DYM: variants seen among roughly 807,000 people sequenced by gnomAD.
The protein encoded by DYM is dymeclin.
A neutral mutation model predicts 93.1 loss-of-function variants in DYM; 78 were observed. The ratio of observed to expected loss-of-function variants is 0.84; its 90% confidence interval spans 0.70 to 1.01. DYM has a LOEUF of 1.01. Ranked by LOEUF, DYM falls within the 50% of genes least tolerant of loss-of-function variation. The pLI is 0.00. For missense variants in DYM, 789 were observed against 845.0 expected, an observed-to-expected ratio of 0.93 and a Z score of 0.82; for synonymous variants, 321 against 319.7, an observed-to-expected ratio of 1.00 and a Z score of -0.04.
chr18:49,251,349 A>G (rs1011603445), intron 13 of DYM, among the ~76,000 whole-genome samples: 2 of 152,214 alleles, frequency 1.3e-5, no homozygotes, highest in Non-Finnish European at 1.5e-5. Context: ...GAGCATATAC[A>G]TGCAAATTAC....
At chr18:49,282,784 C>T (rs2095022890) in intron 9 of DYM, among the ~76,000 whole-genome samples, 1 of 152,078 alleles carries the variant, frequency 6.6e-6, no homozygotes, top group African/African-American at 2.4e-5. Context: ...ACAACTTAAC[C>T]AGGACGTTGA....
intron 8 of DYM, among the ~76,000 whole-genome samples, chr18:49,299,915 C>T (rs1011766122): frequency 1.3e-5 from 2 of 151,060 alleles, no homozygotes; most frequent in African/African-American, 4.9e-5. Context: ...TGGTGGCAGG[C>T]ACCTGTAGTC....
intron 1 of DYM, among the ~76,000 whole-genome samples, chr18:49,435,449 T>C (rs1385694674): frequency 6.9e-6 from 1 of 145,164 alleles, no homozygotes; most frequent in Non-Finnish European, 1.5e-5. Context: ...AAAAGTATAA[T>C]TGAAATGCTA....
chr18:49,361,751 C>T (rs985912863), intron 6 of DYM, among the ~76,000 whole-genome samples: 2 of 152,036 alleles, frequency 1.3e-5, no homozygotes, highest in Admixed American at 1.3e-4. Context: ...GACGTAGTCT[C>T]GCTCTGTAGC....
intron 8 of DYM, among the ~76,000 whole-genome samples, chr18:49,312,709 CAG>C (rs2146384417): frequency 6.6e-6 from 1 of 152,292 alleles, no homozygotes; most frequent in African/African-American, 2.4e-5. Context: ...AGCTATAACA[CAG>C]GTGACCGGGG....
At chr18:49,204,033 A>G (rs1037964663) in intron 14 of DYM, among the ~76,000 whole-genome samples, 27 of 152,170 alleles carry the variant, frequency 1.8e-4, no homozygotes, top group African/African-American at 5.8e-4. Context: ...CACAGCACCT[A>G]TATCTAAAAC....
intron 1 of DYM, among the ~76,000 whole-genome samples, chr18:49,459,073 G>A (rs1037241576): frequency 2.6e-5 from 4 of 152,136 alleles, no homozygotes; most frequent in Non-Finnish European, 4.4e-5. Context: ...GTTAAAAGGT[G>A]CAAAAACATA....
rs547583696 is a variant in DYM, at chr18:49,149,795, C to T, written c.1728+13890G>A. On this transcript the variant is annotated intron_variant, in intron 15 of 17. Coordinates refer to ENST00000675505, the MANE Select transcript of DYM (RefSeq NM_001353214.3). ...AATCTCGGCTCACTGCAACCTCCAC[C>T]TCCTGGGTTCAAGCGATTCTCCTGC... Among the ~76,000 whole-genome samples the T allele has an allele frequency of 7.4e-4, 111 of 150,958 alleles. 1 individual carries two copies. The highest frequency in any genetic ancestry group is 2.1e-3 in the South Asian group (10 of 4,750).
intron 9 of DYM, among the ~76,000 whole-genome samples, chr18:49,284,014 G>T (rs940275710): frequency 1.3e-5 from 2 of 152,072 alleles, no homozygotes; most frequent in Non-Finnish European, 2.9e-5. Flanking sequence ...GATGGCAAAA[G>T]GAAGTGTTGC....
intron 17 of DYM, among the ~76,000 whole-genome samples, chr18:49,054,732 A>G (rs1272901895): frequency 6.6e-6 from 1 of 152,190 alleles, no homozygotes; most frequent in Non-Finnish European, 1.5e-5. Flanking sequence ...CTGGGCACTA[A>G]GTTACCACCC....
At position 49,106,216 on chromosome 18, in the gene DYM, G is replaced by C. The variant is rs567269471; in HGVS notation, c.1912-8701C>G. Among the ~76,000 whole-genome samples, 193 of 152,256 alleles carry C rather than the reference G, an allele frequency of 1.3e-3. 2 individuals are homozygous for C. Among genetic ancestry groups the C allele is most frequent in the Middle Eastern group, 3.4e-3 (1 of 294 alleles). ...TTGGTTTAAAGTCTGTTTTATCAGA[G>C]ACTAGGATTGCAACCCCTGCCTTTT... On this transcript the variant is annotated intron_variant, in intron 16 of 17. Transcript: ENST00000675505.
At position 49,113,836 on chromosome 18, in the gene DYM, A is replaced by C. The variant is rs371558734; in HGVS notation, c.1911+4908T>G. Among the ~76,000 whole-genome samples, 23 of 152,332 alleles carry C rather than the reference A, an allele frequency of 1.5e-4. No homozygotes were observed. In the South Asian group the frequency reaches 4.6e-3, roughly 30 times the overall value. On this transcript the variant is annotated intron_variant, in intron 16 of 17. Coordinates refer to ENST00000675505, the MANE Select transcript of DYM (RefSeq NM_001353214.3). The stretch of plus-strand genomic sequence containing the variant: ...GGAGTTTAAAATGTTTTTTAAATGA[A>C]TTTCCAGTGTGCCCAGCACTATTTT...
At chr18:49,416,871 G>A (rs2073048666) in intron 2 of DYM, among the ~76,000 whole-genome samples, 1 of 152,134 alleles carries the variant, frequency 6.6e-6, no homozygotes, top group African/African-American at 2.4e-5. Context: ...ATAGGTAACA[G>A]GTGGACATAT....
chr18:49,299,503 C>T (rs959068793), intron 8 of DYM, among the ~76,000 whole-genome samples: 4 of 152,094 alleles, frequency 2.6e-5, no homozygotes, highest in African/African-American at 4.8e-5. Context: ...AGTTCCTTTA[C>T]GATATACAGA....
chr18:49,127,232 T>A (rs1322822151), intron 15 of DYM, among the ~76,000 whole-genome samples: 1 of 152,190 alleles, frequency 6.6e-6, no homozygotes, highest in Admixed American at 6.5e-5. Flanking sequence ...ATTTCAAACG[T>A]AAAAACAAGA....
chr18:49,272,164 T>G lies in DYM; in HGVS notation c.1251+14A>C. 6.2e-7 allele frequency: 1 copy of G among 1,611,196 alleles called. No homozygotes were observed. Among genetic ancestry groups the G allele is most frequent in the South Asian group, 1.1e-5 (1 of 90,984 alleles). Reference sequence around the variant, plus strand: ...CTGTTAACTCTAACTCTAATCCAAGTAATGGTAACTTACCACTTCATGAAT... The same window carrying G: ...CTGTTAACTCTAACTCTAATCCAAGGAATGGTAACTTACCACTTCATGAAT... On this transcript the variant is annotated intron_variant, in intron 11 of 17. Transcript: ENST00000675505.
chr18:49,091,124 A>G (rs112081515), intron 17 of DYM, among the ~76,000 whole-genome samples: 4,970 of 152,160 alleles, frequency 0.033, 140 homozygotes, highest in Non-Finnish European at 0.045. Flanking sequence ...CAACAGGCCC[A>G]TTGTTCGTTG....
At chr18:49,351,995 T>C (rs1042458155) in intron 6 of DYM, among the ~76,000 whole-genome samples, 1 of 151,844 alleles carries the variant, frequency 6.6e-6, no homozygotes, top group African/African-American at 2.4e-5. Context: ...ATGAGGGTAG[T>C]CCCAAGACTA....
intron 15 of DYM, among the ~76,000 whole-genome samples, chr18:49,124,410 G>A (rs1400014675): frequency 6.6e-6 from 1 of 151,712 alleles, no homozygotes; most frequent in African/African-American, 2.4e-5. Flanking sequence ...TCAAGAGGCT[G>A]AGGCAGGAGG....
Sources: gnomAD v4.1 joint callset for allele counts (sites outside exome capture counted in the v4.1 genomes callset) on GRCh38, gnomAD v4.1.1 for gene constraint, MANE v1.5 for transcripts, NCBI Gene and HGNC (gene_info 2026-07-23, HGNC 2026-07-21) for gene names.